Variants in PCDHA8 observed in about 807,000 individuals in gnomAD.
PCDHA8 encodes the protein protocadherin alpha-8.
Under a neutral mutation model 61.8 loss-of-function variants are expected in PCDHA8, and 53 were observed. The ratio of observed to expected loss-of-function variants is 0.86; its 90% CI spans 0.69 to 1.08. The LOEUF (loss-of-function observed/expected upper bound fraction) is 1.08. PCDHA8 is among the 50% of genes least tolerant of loss of function. The pLI is 0.00. For synonymous variants in PCDHA8, 618 were observed against 556.6 expected (o/e 1.11, Z -1.55); for missense variants, 1,293 against 1,245.0 (o/e 1.04, Z -0.58).
At chr5:140,925,833 CG>C (rs2082756406) in intron 1 of PCDHA8, among the ~76,000 whole-genome samples, 1 of 152,070 alleles carries the variant, frequency 6.6e-6, no homozygotes, top group Admixed American at 6.5e-5. Flanking sequence ...GGGGACGGGT[CG>C]TCAAGTCTTT....
intron 1 of PCDHA8, among the ~76,000 whole-genome samples, chr5:140,890,900 A>G (rs1554184581): frequency 6.6e-6 from 1 of 151,984 alleles, no homozygotes; most frequent in Admixed American, 6.6e-5. Flanking sequence ...TTGTCTTTCC[A>G]TGTTAGAATA....
chr5:140,889,028 C>G (rs1015343865), intron 1 of PCDHA8, among the ~76,000 whole-genome samples: 1 of 151,754 alleles, frequency 6.6e-6, no homozygotes. Flanking sequence ...CTTGGATAAC[C>G]GTAATTTGAT....
chr5:140,841,826 A>T lies in PCDHA8; in HGVS notation c.505A>T (p.Thr169Ser). 1 of 1,613,900 alleles carries T rather than the reference A, an allele frequency of 6.2e-7. No homozygotes were observed. Among genetic ancestry groups the T allele is most frequent in the Non-Finnish European group, 8.5e-7 (1 of 1,179,868 alleles). Residue 169 changes from threonine (T) to serine (S), a missense_variant, in exon 1 of 4, where the codon ACC becomes TCC. By Grantham distance (58) the Thr-to-Ser change is moderately conservative (BLOSUM62 1). Transcript: ENST00000531613. ...AGATGTTGGAGCTAACTCCGTGTTA[A>T]CCTACAGGCTTAGCTCTCATGATTA... ...DADVGANSVL[T>S]YRLSSHDYFM...
chr5:140,857,928 C>A (rs529968685), intron 1 of PCDHA8: 1 of 1,597,668 alleles, frequency 6.3e-7, no homozygotes, highest in East Asian at 2.2e-5. Flanking sequence ...GGGCTGTACA[C>A]GGGCGAGATC....
intron 1 of PCDHA8, among the ~76,000 whole-genome samples, chr5:140,901,220 TC>T (rs1383510008): frequency 6.6e-6 from 1 of 152,200 alleles, no homozygotes; most frequent in Non-Finnish European, 1.5e-5. Context: ...GTTGATGTGA[TC>T]CCATATATCC....
Position 140,971,209 on chromosome 5 carries a change from C to A in PCDHA8, c.2395-7740C>A, listed in dbSNP as rs147218200. 2.2e-3 allele frequency among the ~76,000 whole-genome samples: 328 copies of A among 152,236 alleles called. 3 individuals are homozygous for A. Among genetic ancestry groups the A allele is most frequent in the African/African-American group, 7.7e-3 (319 of 41,534 alleles). Reference sequence around the variant, plus strand: ...AAGCTCAGAGGAAAGACACTGTTACCCTCCCTCTCCTGACTCAAAGCTTGG... The same window carrying A: ...AAGCTCAGAGGAAAGACACTGTTACACTCCCTCTCCTGACTCAAAGCTTGG... On this transcript the variant is annotated intron_variant, in intron 1 of 3. Coordinates refer to ENST00000531613, the MANE Select transcript of PCDHA8 (RefSeq NM_018911.3).
At chr5:140,856,784 T>C in intron 1 of PCDHA8, 2 of 1,596,522 alleles carry the variant, frequency 1.3e-6, no homozygotes, top group Non-Finnish European at 1.7e-6. Flanking sequence ...CAGACCGGTT[T>C]ATGAAGTTAA....
At position 140,842,302 on chromosome 5, in the gene PCDHA8, T is replaced by A. The variant is rs1554138952; in HGVS notation, c.981T>A (p.His327Gln). 3 of 1,609,802 alleles carry A rather than the reference T, an allele frequency of 1.9e-6. No individual in the cohort carries two copies. Among genetic ancestry groups the A allele is most frequent in the Non-Finnish European group, 2.6e-6 (3 of 1,176,440 alleles). ...TCATTGACGCCACGGACAAAGGCCA[T>A]CCTCCCATGGCGGGTCATTGCACCG... ...KILIDATDKG[H>Q]PPMAGHCTVL... The change falls in exon 1 of 4, where the codon CAT (histidine) becomes CAA (glutamine). Residue 327 changes from histidine to glutamine, a missense_variant. Coordinates refer to ENST00000531613, the MANE Select transcript of PCDHA8 (RefSeq NM_018911.3).
Position 140,857,204 on chromosome 5 carries a change from T to C in PCDHA8, c.2394+13489T>C, listed in dbSNP as rs202111737. On this transcript the variant is annotated intron_variant, in intron 1 of 3. Coordinates refer to ENST00000531613, the MANE Select transcript of PCDHA8 (RefSeq NM_018911.3). ...TTCAGGAGCCAACGGACAGGTCACC[T>C]GCTCTCTGACGCCTCACGTTCCGTT... 221 of 1,598,644 alleles carry C rather than the reference T, an allele frequency of 1.4e-4. 20 individuals are homozygous for C. The highest frequency in any genetic ancestry group is 2.4e-4 in the Admixed American group (14 of 59,320).
chr5:140,851,028 C>T lies in PCDHA8; in HGVS notation c.2394+7313C>T, dbSNP rs574627365. The T allele has an allele frequency of 7.8e-6, 11 of 1,410,018 alleles. 1 individual carries two copies. The highest frequency in any genetic ancestry group is 3.7e-5 in the South Asian group (2 of 54,752). 87.3% of individuals were successfully genotyped at this position (1,410,018 alleles called of 1,614,324 possible). ...GATTTTTTTTCTGATAAAGTAAACC[C>T]CTTAACATTGGAGCCGACTTTGTCT... On this transcript the variant is annotated intron_variant, in intron 1 of 3. Transcript: ENST00000531613.
intron 2 of PCDHA8, 93 bp downstream of exon 2, chr5:140,979,100 A>C (rs1325676942): frequency 6.5e-7 from 1 of 1,545,710 alleles, no homozygotes; most frequent in African/African-American, 1.4e-5. Context: ...CAGCTGTCAA[A>C]ACTAAAAAGC....
chr5:140,967,273 A>G lies in PCDHA8; in HGVS notation c.2395-11676A>G, dbSNP rs2096121712. The G allele has an allele frequency of 1.9e-6, 3 of 1,613,332 alleles. No individual in the cohort carries two copies. Among genetic ancestry groups the G allele is most frequent in the South Asian group, 2.2e-5 (2 of 91,074 alleles). On this transcript the variant is annotated intron_variant, in intron 1 of 3. Transcript: ENST00000531613. ...TGGCGCCTGGAGCGCGCTTTCACAT[A>G]GAGAGTGCGCAGGACCCCGACGTGG...
At chr5:140,860,049 G>C (rs2046155952) in intron 1 of PCDHA8, 1 of 151,206 alleles carries the variant, frequency 6.6e-6, no homozygotes, top group Non-Finnish European at 1.5e-5. Context: ...AGCATTTTGA[G>C]AGGCCAAGGT....
intron 1 of PCDHA8, chr5:140,876,311 G>A: frequency 1.2e-6 from 2 of 1,613,954 alleles, no homozygotes; most frequent in East Asian, 2.2e-5. Flanking sequence ...ATTTCCTATG[G>A]GATCAAAATG....
intron 1 of PCDHA8, chr5:140,871,329 C>A (rs1164407502): frequency 6.2e-7 from 1 of 1,613,942 alleles, no homozygotes; most frequent in African/African-American, 1.3e-5. Flanking sequence ...TGTGCTCCCG[C>A]GCGGTGGGGA....
At chr5:140,850,839 T>A in intron 1 of PCDHA8, 1 of 1,597,606 alleles carries the variant, frequency 6.3e-7, no homozygotes, top group Non-Finnish European at 8.6e-7. Context: ...TTGTGCTGGA[T>A]CTACAGAGCG....
At chr5:140,852,893 T>C in intron 1 of PCDHA8, 1 of 907,664 alleles carries the variant, frequency 1.1e-6, no homozygotes, top group Non-Finnish European at 1.3e-6. Context: ...GTATTTTTTT[T>C]TTTGAGTCAG....
intron 1 of PCDHA8, chr5:140,967,162 C>T (rs782524334): frequency 1.9e-6 from 3 of 1,610,776 alleles, no homozygotes; most frequent in Non-Finnish European, 2.5e-6. Context: ...TGGCGGTGAG[C>T]GCCGTTGAGG....
Position 141,000,578 on chromosome 5 carries a change from C to T in PCDHA8, c.2543-9049C>T, listed in dbSNP as rs191579983. On this transcript the variant is annotated intron_variant, in intron 3 of 3. Coordinates refer to ENST00000531613, the MANE Select transcript of PCDHA8 (RefSeq NM_018911.3). ...GAGTAGCTGGGATTACAGGTGCCTG[C>T]CACCATGCCCAGCTAATTTTTGTAT... Among the ~76,000 whole-genome samples the T allele has an allele frequency of 3.1e-3, 460 of 150,716 alleles. 6 individuals carry two copies. Among genetic ancestry groups the T allele is most frequent in the Middle Eastern group, 0.01 (3 of 290 alleles).
Sources: gnomAD v4.1 joint callset for allele counts (sites outside exome capture counted in the v4.1 genomes callset) on GRCh38, gnomAD v4.1.1 for gene constraint, MANE v1.5 for transcripts, NCBI Gene and HGNC (gene_info 2026-07-23, HGNC 2026-07-21) for gene names.